The following CRTAC1 variants were observed in gnomAD, a reference collection of about 807,000 sequenced individuals.
CRTAC1 encodes the protein acidic secreted protein in cartilage.
Under a neutral mutation model 67.8 loss-of-function variants are expected in CRTAC1, and 37 were observed. The ratio of observed to expected loss-of-function variants is 0.55; its 90% confidence interval spans 0.42 to 0.72. The LOEUF (loss-of-function observed/expected upper bound fraction) is 0.72. Ranked by LOEUF, CRTAC1 falls within the 30% of genes least tolerant of loss-of-function variation. The probability of loss-of-function intolerance (pLI) is 0.00; values close to 1 mark genes in which losing one functional copy is unlikely to be tolerated. For missense variants in CRTAC1, 780 were observed against 931.6 expected (o/e 0.84, Z 2.12); for synonymous variants, 348 against 371.0 (o/e 0.94, Z 0.71).
At chr10:97,901,663 C>G (rs868088367) in intron 7 of CRTAC1, 24 bp from the exon 8 acceptor site, 7 of 1,613,656 alleles carry the variant, frequency 4.3e-6, no homozygotes, top group Middle Eastern at 1.6e-4. Flanking sequence ...GGCTGGGGGT[C>G]AGTGGCAGGA....
intron 2 of CRTAC1, among the ~76,000 whole-genome samples, chr10:97,976,629 A>G (rs571066905): frequency 1.3e-5 from 2 of 152,346 alleles, no homozygotes; most frequent in African/African-American, 2.4e-5. Flanking sequence ...TTGAAATTCT[A>G]TCTATTCATG....
rs532941011 is a variant in CRTAC1, at chr10:98,002,521, C to T, written c.224+8617G>A. ...TGTGATTCCCAGCTGGAAGTGCTCTCGACCCCCCAACCTCCAGGAATGCTT... is the reference window on the plus strand; with the variant it reads ...TGTGATTCCCAGCTGGAAGTGCTCTTGACCCCCCAACCTCCAGGAATGCTT... On this transcript the variant is annotated intron_variant, in intron 2 of 14. Coordinates refer to ENST00000370597, the MANE Select transcript of CRTAC1 (RefSeq NM_018058.7). Among the ~76,000 whole-genome samples the T allele has an allele frequency of 3.3e-5, 5 of 152,050 alleles. No individual in the cohort carries two copies. In the South Asian group the frequency reaches 6.2e-4, roughly 19 times the overall value.
At chr10:97,941,445 A>T (rs1292166154) in intron 2 of CRTAC1, among the ~76,000 whole-genome samples, 1 of 151,964 alleles carries the variant, frequency 6.6e-6, no homozygotes, top group Non-Finnish European at 1.5e-5. Context: ...TCCAACCCAA[A>T]TCCCCAGTCC....
intron 2 of CRTAC1, among the ~76,000 whole-genome samples, chr10:97,961,369 G>C (rs2051522888): frequency 1.3e-5 from 2 of 152,076 alleles, no homozygotes; most frequent in South Asian, 2.1e-4. Flanking sequence ...CATTACTTAG[G>C]GGGGAAAACG....
intron 2 of CRTAC1, among the ~76,000 whole-genome samples, chr10:97,979,570 C>G (rs2051859369): frequency 6.6e-6 from 1 of 152,198 alleles, no homozygotes; most frequent in South Asian, 2.1e-4. Context: ...AAGTGGGAGA[C>G]AGTTGGTGGG....
At chr10:97,962,994 G>T (rs2051553085) in intron 2 of CRTAC1, among the ~76,000 whole-genome samples, 1 of 152,064 alleles carries the variant, frequency 6.6e-6, no homozygotes, top group Non-Finnish European at 1.5e-5. Context: ...TGAGACTAAA[G>T]GTTCCAAAAT....
At chr10:97,875,466 G>A (rs2050136468) in intron 14 of CRTAC1, among the ~76,000 whole-genome samples, 1 of 152,196 alleles carries the variant, frequency 6.6e-6, no homozygotes, top group African/African-American at 2.4e-5. Flanking sequence ...CGTGGGAGAG[G>A]CTGGCGTCAT....
intron 12 of CRTAC1, 148 bp downstream of exon 12, chr10:97,884,058 G>T: frequency 2.5e-6 from 2 of 807,190 alleles, no homozygotes; most frequent in Non-Finnish European, 3.8e-6. Flanking sequence ...AACTACAAAT[G>T]GAGGGATCAG....
intron 2 of CRTAC1, 32 bp downstream of exon 2, chr10:98,011,106 T>C (rs1842897580): frequency 1.3e-6 from 2 of 1,594,632 alleles, no homozygotes; most frequent in Non-Finnish European, 8.6e-7. Context: ...ATCTGATTAA[T>C]ATCTGTCACA....
At chr10:97,926,778 C>T (rs1280926969) in intron 3 of CRTAC1, among the ~76,000 whole-genome samples, 1 of 152,164 alleles carries the variant, frequency 6.6e-6, no homozygotes, top group Non-Finnish European at 1.5e-5. Context: ...GATTTCAGGG[C>T]TCTCGAGAAG....
chr10:97,879,618 G>T, intron 14 of CRTAC1: 1 of 1,519,886 alleles, frequency 6.6e-7, no homozygotes, highest in South Asian at 1.3e-5. Context: ...CAAGCAGCAG[G>T]AGAGAGATTT....
intron 2 of CRTAC1, among the ~76,000 whole-genome samples, chr10:97,950,238 CACACACACAGAGAGAGAGAGAGAGAGAG>C (rs2051329991): frequency 2.9e-5 from 2 of 69,778 alleles, no homozygotes; most frequent in Admixed American, 1.3e-4. Context: ...TACGTGCACA[CACACACACAGAGAGAGAGAGAGAGAGAG>C]AGAGAGAGAG....
chr10:97,926,394 C>T (rs776588659), intron 3 of CRTAC1, among the ~76,000 whole-genome samples: 6 of 152,284 alleles, frequency 3.9e-5, no homozygotes, highest in Non-Finnish European at 7.4e-5. Flanking sequence ...GGGAATTACA[C>T]GAGAAATGCA....
At chr10:97,890,338 G>C (rs928584537) in intron 11 of CRTAC1, among the ~76,000 whole-genome samples, 14 of 151,960 alleles carry the variant, frequency 9.2e-5, no homozygotes, top group African/African-American at 3.4e-4. Context: ...TGAACTCCTG[G>C]CCTCAAGCAA....
intron 3 of CRTAC1, among the ~76,000 whole-genome samples, chr10:97,929,858 T>C (rs190650250): frequency 1.2e-3 from 190 of 152,318 alleles, no homozygotes; most frequent in Non-Finnish European, 2.3e-3. Flanking sequence ...ATGTTAAGTA[T>C]AAAAGGCTTT....
At chr10:98,004,888 CTCTT>C (rs1277138249) in intron 2 of CRTAC1, among the ~76,000 whole-genome samples, 4 of 151,216 alleles carry the variant, frequency 2.6e-5, no homozygotes, top group Non-Finnish European at 2.9e-5. Context: ...CTCTCACACA[CTCTT>C]TCTCCATATA....
intron 3 of CRTAC1, among the ~76,000 whole-genome samples, chr10:97,932,150 C>T (rs962544059): frequency 2.0e-5 from 3 of 152,112 alleles, no homozygotes; most frequent in African/African-American, 4.8e-5. Flanking sequence ...TGTTACAATG[C>T]GGTCCTTTTC....
intron 2 of CRTAC1, among the ~76,000 whole-genome samples, chr10:97,993,942 C>T (rs1438320985): frequency 6.6e-6 from 1 of 152,090 alleles, no homozygotes; most frequent in South Asian, 2.1e-4. Context: ...CTGCAACCTC[C>T]ACCTCCTGGG....
intron 2 of CRTAC1, among the ~76,000 whole-genome samples, chr10:97,943,284 TACCTAAA>T (rs1466964319): frequency 6.6e-6 from 1 of 152,026 alleles, no homozygotes; most frequent in Non-Finnish European, 1.5e-5. Flanking sequence ...TATCAGAGCA[TACCTAAA>T]ACCTTTTAAG....
Sources: gnomAD v4.1 joint callset for allele counts (sites outside exome capture counted in the v4.1 genomes callset) on GRCh38, gnomAD v4.1.1 for gene constraint, MANE v1.5 for transcripts, NCBI Gene and HGNC (gene_info 2026-07-23, HGNC 2026-07-21) for gene names.